The following RCAN1 variants were observed in gnomAD, a reference collection of about 807,000 sequenced individuals.
RCAN1 encodes the protein calcipressin-1.
RCAN1 carries 11 observed loss-of-function variants against 22.9 expected under a neutral mutation model. That is an observed-to-expected ratio of 0.48 (90% confidence interval 0.30 to 0.79). The LOEUF is 0.79. RCAN1 is among the 30% of genes least tolerant of loss of function. The probability of loss-of-function intolerance (pLI) is 0.06; values close to 1 mark genes in which losing one functional copy is unlikely to be tolerated. For synonymous variants in RCAN1, 136 were observed against 142.3 expected, an observed-to-expected ratio of 0.96 and a Z score of 0.32; for missense variants, 291 against 337.8, an observed-to-expected ratio of 0.86 and a Z score of 1.09.
intron 1 of RCAN1, among the ~76,000 whole-genome samples, chr21:34,542,381 G>A (rs950369523): frequency 6.6e-6 from 1 of 150,954 alleles, no homozygotes; most frequent in African/African-American, 2.4e-5. Context: ...ACTTCCTCTT[G>A]GAACCCAGTT....
chr21:34,545,334 A>C (rs932107019), intron 1 of RCAN1, among the ~76,000 whole-genome samples: 1 of 152,218 alleles, frequency 6.6e-6, no homozygotes, highest in Admixed American at 6.5e-5. Context: ...CCAGTGTGAC[A>C]GTTTCTAACA....
At chr21:34,612,360 G>C (rs1988706243) in intron 1 of RCAN1, among the ~76,000 whole-genome samples, 1 of 152,166 alleles carries the variant, frequency 6.6e-6, no homozygotes, top group African/African-American at 2.4e-5. Context: ...AGTTCACCCT[G>C]CACTGGAGCT....
rs191768784 is a variant in RCAN1 at position 34,568,486 on chromosome 21, C to T, written c.253-44776G>A. On this transcript the variant is annotated intron_variant, in intron 1 of 3. Transcript: ENST00000313806. ...TGAGTCTAGAAAGTGTGTTTGTTGG[C>T]GAGATGGCAGCGATGCCCGGAGTCA... Among the ~76,000 whole-genome samples, 69 of 152,306 alleles carry T rather than the reference C, an allele frequency of 4.5e-4. 1 individual carries two copies. Among genetic ancestry groups the T allele is most frequent in the Admixed American group, 7.2e-4 (11 of 15,294 alleles).
At chr21:34,585,784 A>G (rs972329558) in intron 1 of RCAN1, among the ~76,000 whole-genome samples, 28 of 151,748 alleles carry the variant, frequency 1.8e-4, no homozygotes, top group African/African-American at 6.5e-4. Context: ...AAGGAAGATA[A>G]GAAAGAAAAG....
At chr21:34,560,328 T>C (rs1986743678) in intron 1 of RCAN1, 1 of 152,206 alleles carries the variant, frequency 6.6e-6, no homozygotes, top group African/African-American at 2.4e-5. Flanking sequence ...CTAAAGTTCC[T>C]TCTGTGAACT....
chr21:34,588,096 CT>C (rs1255927548), intron 1 of RCAN1, among the ~76,000 whole-genome samples: 1 of 152,236 alleles, frequency 6.6e-6, no homozygotes. Flanking sequence ...TTAAAACAAA[CT>C]TTTCCCTATA....
intron 1 of RCAN1, among the ~76,000 whole-genome samples, chr21:34,573,226 A>C (rs1027467523): frequency 1.3e-5 from 2 of 152,304 alleles, no homozygotes; most frequent in East Asian, 3.9e-4. Flanking sequence ...AAAGTTCCCA[A>C]CATCCTTTTT....
chr21:34,527,526 T>C (rs1985139459), intron 1 of RCAN1, among the ~76,000 whole-genome samples: 1 of 152,196 alleles, frequency 6.6e-6, no homozygotes, highest in Admixed American at 6.5e-5. Flanking sequence ...AAAACAATCC[T>C]AGGATTTTCA....
chr21:34,531,614 C>T (rs1369355818), intron 1 of RCAN1, among the ~76,000 whole-genome samples: 1 of 152,210 alleles, frequency 6.6e-6, no homozygotes, highest in African/African-American at 2.4e-5. Flanking sequence ...CGTTCCTCTC[C>T]CGCTGTATAA....
At position 34,521,926 on chromosome 21, in the gene RCAN1, G is replaced by C. The variant is rs117537017; in HGVS notation, c.427-268C>G. The C allele has an allele frequency of 3.1e-5, 14 of 458,078 alleles. No homozygotes were observed. The East Asian group carries it at 4.4e-4, about 14-fold the overall frequency. 28.4% of individuals were successfully genotyped at this position (458,078 alleles called of 1,614,324 possible). A position where few individuals can be genotyped will look rare whatever the true frequency, so the allele number is the denominator to read the frequency against. ...ACTGCAAATAATTACGCTTGACCTA[G>C]ATGGACAGAAAATCAGCAGAGGTGA... On this transcript the variant is annotated intron_variant, in intron 2 of 3. Coordinates refer to ENST00000313806, the MANE Select transcript of RCAN1 (RefSeq NM_004414.7).
Position 34,523,621 on chromosome 21 carries a change from G to A in RCAN1, c.342C>T (p.Ser114=). 6.2e-7 allele frequency: 1 copy of A among 1,614,156 alleles called. No homozygotes were observed. The highest frequency in any genetic ancestry group is 8.5e-7 in the Non-Finnish European group (1 of 1,180,026). Residue 114 remains serine (S), a synonymous_variant, in exon 2 of 4, where the codon AGC becomes AGT. Transcript: ENST00000313806. ...TGGCATCTGCTGCGGAGAAGGGGTT[G>A]CTGAAGTTTATTCTGACTCGTTTGA... ...KSFKRVRINF[S]NPFSAADARL...
At chr21:34,561,059 A>C (rs1986773038) in intron 1 of RCAN1, among the ~76,000 whole-genome samples, 1 of 152,138 alleles carries the variant, frequency 6.6e-6, no homozygotes, top group Non-Finnish European at 1.5e-5. Context: ...TGATTTTATA[A>C]GTGCCTATCA....
At position 34,521,172 on chromosome 21, in the gene RCAN1, G is replaced by A. The variant is rs191823536; in HGVS notation, c.586+327C>T. On this transcript the variant is annotated intron_variant, in intron 3 of 3. Transcript: ENST00000313806. ...CCAATCACTCATCCCTATCCGGAGC[G>A]ACAGAACCTGGGGCCGGGGCTCAGG... The A allele has an allele frequency of 2.4e-4, 320 of 1,353,630 alleles. 1 individual carries two copies. In the African/African-American group the frequency reaches 4.2e-3, roughly 18 times the overall value. The allele number at this position is 1,353,630 out of a possible 1,614,324, so 83.9% of individuals were successfully genotyped here. A position where few individuals can be genotyped will look rare whatever the true frequency, so the allele number is the denominator to read the frequency against.
chr21:34,559,718 T>A (rs1356344648), intron 1 of RCAN1: 1 of 152,218 alleles, frequency 6.6e-6, no homozygotes, highest in African/African-American at 2.4e-5. Flanking sequence ...CTCTTTCAAG[T>A]TTCTCTAAAA....
chr21:34,572,747 C>T (rs997689933), intron 1 of RCAN1, among the ~76,000 whole-genome samples: 64 of 152,084 alleles, frequency 4.2e-4, no homozygotes, highest in African/African-American at 1.2e-3. Flanking sequence ...AATGGACTCA[C>T]GGTTCCACAG....
At chr21:34,534,902 GACC>G (rs1555857681) in intron 1 of RCAN1, among the ~76,000 whole-genome samples, 1 of 152,178 alleles carries the variant, frequency 6.6e-6, no homozygotes, top group Non-Finnish European at 1.5e-5. Flanking sequence ...TGGGAGGCCC[GACC>G]ACATGGACAC....
Position 34,518,100 on chromosome 21 carries a change from G to C in RCAN1, c.743C>G (p.Pro248Arg). The change falls in exon 4 of 4, where the codon CCG becomes CGG. Residue 248 changes from proline (P) to arginine (R), a missense_variant. Transcript: ENST00000313806. The surrounding 1 kb of genome is among the most constrained non-coding windows in gnomAD (Gnocchi z 4.2). Reference sequence around the variant, plus strand: ...CGTGCCAGTTCAGCTGAGGTGGATCGGCGTGTACTCCGGCCTCCTGGTCTG... The same window carrying C: ...CGTGCCAGTTCAGCTGAGGTGGATCCGCGTGTACTCCGGCCTCCTGGTCTG... ...IIQTRRPEYT[P>R]IHLS is the part of the protein sequence containing the mutation. 2 of 1,614,166 alleles carry C rather than the reference G, an allele frequency of 1.2e-6. No homozygotes were observed. The highest frequency in any genetic ancestry group is 1.7e-6 in the Non-Finnish European group (2 of 1,180,030).
chr21:34,525,115 T>C (rs1984935397), intron 1 of RCAN1: 1 of 1,550,494 alleles, frequency 6.4e-7, no homozygotes, highest in African/African-American at 1.4e-5. Flanking sequence ...AGGCGCAGTG[T>C]CTCTGCAGTG....
chr21:34,555,223 A>AG (rs1045020893), intron 1 of RCAN1, among the ~76,000 whole-genome samples: 2 of 152,230 alleles, frequency 1.3e-5, no homozygotes, highest in African/African-American at 4.8e-5. Flanking sequence ...AAATGCAGTG[A>AG]GTGCCTCTTA....
Sources: allele counts gnomAD v4.1 joint callset (sites outside exome capture counted in the v4.1 genomes callset), GRCh38; gene constraint gnomAD v4.1.1; non-coding constraint Gnocchi (gnomAD v3.1); transcripts MANE v1.5; gene names NCBI Gene and HGNC (gene_info 2026-07-23, HGNC 2026-07-21).